VAV3: variants seen among roughly 807,000 people sequenced by gnomAD.
The protein encoded by VAV3 is guanine nucleotide exchange factor VAV3.
Under a neutral mutation model 131.2 loss-of-function variants are expected in VAV3, and 94 were observed. That is an observed-to-expected ratio of 0.72 (90% CI 0.61 to 0.85). VAV3 has a LOEUF of 0.85. Ranked by LOEUF, VAV3 falls within the 40% of genes least tolerant of loss-of-function variation. The pLI is 0.00. For synonymous variants in VAV3, 349 were observed against 342.0 expected (o/e 1.02, Z -0.22); for missense variants, 939 against 1,002.7 (o/e 0.94, Z 0.86).
At chr1:107,897,832 C>T (rs1288170782) in intron 1 of VAV3, among the ~76,000 whole-genome samples, 1 of 152,126 alleles carries the variant, frequency 6.6e-6, no homozygotes, top group Non-Finnish European at 1.5e-5. Flanking sequence ...CACATTAAGA[C>T]ATATTTTATG....
intron 1 of VAV3, among the ~76,000 whole-genome samples, chr1:107,961,160 G>GT (rs1231949377): frequency 6.6e-6 from 1 of 152,094 alleles, no homozygotes; most frequent in Non-Finnish European, 1.5e-5. Context: ...TACATACACT[G>GT]TCCATAGTGG....
intron 17 of VAV3, among the ~76,000 whole-genome samples, chr1:107,693,363 ATAAACT>A (rs1208529793): frequency 2.0e-5 from 3 of 152,234 alleles, no homozygotes; most frequent in Non-Finnish European, 4.4e-5. Flanking sequence ...TATTAACAAA[ATAAACT>A]TAACACATCT....
intron 2 of VAV3, chr1:107,785,680 G>C: frequency 9.0e-7 from 1 of 1,107,210 alleles, no homozygotes; most frequent in Non-Finnish European, 1.1e-6. Context: ...CCCCAGAAGA[G>C]GGAACTGGGA....
intron 15 of VAV3, among the ~76,000 whole-genome samples, chr1:107,721,760 A>G (rs903505343): frequency 6.6e-6 from 1 of 152,152 alleles, no homozygotes; most frequent in Admixed American, 6.6e-5. Flanking sequence ...ATGCTTTAAC[A>G]TCAAACTACA....
intron 15 of VAV3, among the ~76,000 whole-genome samples, chr1:107,728,299 C>T (rs183857913): frequency 4.6e-5 from 7 of 152,154 alleles, no homozygotes; most frequent in Admixed American, 4.6e-4. Context: ...GAGGAATCAC[C>T]AGGGATTAAA....
At chr1:107,817,607 GAAACC>G (rs1041618899) in intron 2 of VAV3, among the ~76,000 whole-genome samples, 2 of 152,130 alleles carry the variant, frequency 1.3e-5, no homozygotes, top group African/African-American at 4.8e-5. Context: ...GGGAATCAGG[GAAACC>G]AAACAAGTTA....
At chr1:107,656,186 A>G (rs1656537476) in intron 19 of VAV3, among the ~76,000 whole-genome samples, 1 of 152,202 alleles carries the variant, frequency 6.6e-6, no homozygotes, top group South Asian at 2.1e-4. Context: ...AATAACCGAA[A>G]TATGGAAATC....
rs751910203 is a variant in VAV3, at chr1:107,772,768, C to T, written c.522G>A (p.Glu174=). ...YGEDEGGEVY[E]DLMKAEEAHQ... ...GTGCTTCCTCTGCCTTCATTAAGTC[C>T]TCATAGACTTCTCCACCTTCATCTT... Residue 174 remains glutamate (E), a synonymous_variant, in exon 5 of 27, where the codon GAG becomes GAA. Transcript: ENST00000370056. 1.2e-6 allele frequency: 2 copies of T among 1,613,784 alleles called. No homozygotes were observed. Among genetic ancestry groups the T allele is most frequent in the East Asian group, 2.2e-5 (1 of 44,840 alleles).
chr1:107,920,069 A>C (rs567021704), intron 1 of VAV3, among the ~76,000 whole-genome samples: 11 of 152,294 alleles, frequency 7.2e-5, no homozygotes, highest in African/African-American at 2.6e-4. Context: ...AAGCAGTTGA[A>C]ATATCTTTAG....
intron 4 of VAV3, among the ~76,000 whole-genome samples, chr1:107,775,486 G>A (rs920144817): frequency 6.8e-6 from 1 of 147,410 alleles, no homozygotes; most frequent in Non-Finnish European, 1.5e-5. Flanking sequence ...GCTGAGGCAG[G>A]AGAATCACTT....
rs1227716058 is a variant in VAV3 at position 107,779,435 on chromosome 1, T to A, written c.379A>T (p.Arg127Trp). ...ATGAACAACGAAAACAGAGCTTACC[T>A]GATTCCTGTGGCCAATGCTATAGGT... ...RTPIALATGI[R>W]PFPTEESIND... is the part of the protein sequence containing the mutation. Residue 127 changes from arginine to tryptophan, a missense_variant and splice_region_variant, in exon 3 of 27, where the codon AGG (arginine) becomes TGG (tryptophan). Transcript: ENST00000370056. 2 of 1,588,824 alleles carry A rather than the reference T, an allele frequency of 1.3e-6. No homozygotes were observed. Among genetic ancestry groups the A allele is most frequent in the Non-Finnish European group, 8.6e-7 (1 of 1,167,920 alleles).
intron 19 of VAV3, among the ~76,000 whole-genome samples, chr1:107,663,480 G>T (rs1657186039): frequency 6.6e-6 from 1 of 151,832 alleles, no homozygotes; most frequent in African/African-American, 2.4e-5. Flanking sequence ...TGGTAACTTT[G>T]GATCGAAAAT....
At chr1:107,959,613 C>T (rs767939897) in intron 1 of VAV3, among the ~76,000 whole-genome samples, 3 of 152,202 alleles carry the variant, frequency 2.0e-5, no homozygotes, top group Admixed American at 6.5e-5. Context: ...CACAGGTTCT[C>T]CCCATCTCTC....
chr1:107,846,513 G>A (rs1004137129), intron 2 of VAV3, among the ~76,000 whole-genome samples: 4 of 152,142 alleles, frequency 2.6e-5, no homozygotes, highest in Admixed American at 1.3e-4. Flanking sequence ...GCTGTATTCA[G>A]GAGACCCATC....
chr1:107,914,154 T>G (rs1466333336), intron 1 of VAV3, among the ~76,000 whole-genome samples: 1 of 152,198 alleles, frequency 6.6e-6, no homozygotes, highest in Non-Finnish European at 1.5e-5. Context: ...GATAGGCAGA[T>G]AGATGACAGA....
At chr1:107,910,351 A>G (rs1672308105) in intron 1 of VAV3, among the ~76,000 whole-genome samples, 1 of 152,242 alleles carries the variant, frequency 6.6e-6, no homozygotes, top group Non-Finnish European at 1.5e-5. Flanking sequence ...CGTGTCCTGA[A>G]GAAGACAATC....
intron 15 of VAV3, among the ~76,000 whole-genome samples, chr1:107,710,183 T>C (rs987959535): frequency 1.3e-5 from 2 of 152,194 alleles, no homozygotes; most frequent in African/African-American, 4.8e-5. Context: ...CATGACCAAT[T>C]ACAGAGCAAA....
At chr1:107,818,913 G>A (rs1367736135) in intron 2 of VAV3, among the ~76,000 whole-genome samples, 1 of 152,090 alleles carries the variant, frequency 6.6e-6, no homozygotes, top group East Asian at 1.9e-4. Context: ...ACTTTCTTGA[G>A]AATCTTGATT....
chr1:107,793,940 T>C (rs191800008), intron 2 of VAV3, among the ~76,000 whole-genome samples: 8 of 152,376 alleles, frequency 5.3e-5, no homozygotes, highest in African/African-American at 1.9e-4. Context: ...TGCGTACTGC[T>C]GGACACGCCA....
Sources: allele counts gnomAD v4.1 joint callset (sites outside exome capture counted in the v4.1 genomes callset), GRCh38; gene constraint gnomAD v4.1.1; transcripts MANE v1.5; gene names NCBI Gene and HGNC (gene_info 2026-07-23, HGNC 2026-07-21).